Variants in FAM13A observed in about 807,000 individuals in gnomAD.
FAM13A encodes protein FAM13A.
In FAM13A, 76 loss-of-function variants were observed where a neutral mutation model predicts 129.6. That is an observed-to-expected ratio of 0.59 (90% CI 0.49 to 0.71). The LOEUF (loss-of-function observed/expected upper bound fraction) is 0.71, where lower values mean the gene tolerates loss of function less well. FAM13A is among the 30% of genes least tolerant of loss of function. FAM13A has a pLI of 0.00. For synonymous variants in FAM13A, 443 were observed against 449.9 expected, an observed-to-expected ratio of 0.98 and a Z score of 0.20; for missense variants, 1,108 against 1,249.3, an observed-to-expected ratio of 0.89 and a Z score of 1.70.
intron 5 of FAM13A, among the ~76,000 whole-genome samples, chr4:88,924,334 T>C (rs1480002073): frequency 6.6e-6 from 1 of 152,164 alleles, no homozygotes; most frequent in Non-Finnish European, 1.5e-5. Flanking sequence ...CAAAACAGCA[T>C]GGTACTGGTA....
intron 2 of FAM13A, among the ~76,000 whole-genome samples, chr4:89,029,051 G>A (rs887192311): frequency 2.6e-5 from 4 of 152,174 alleles, no homozygotes; most frequent in Non-Finnish European, 5.9e-5. Context: ...TATGAGGATA[G>A]TCAAGGCATT....
chr4:88,847,202 T>C (rs989237253), intron 7 of FAM13A, among the ~76,000 whole-genome samples: 2 of 152,094 alleles, frequency 1.3e-5, no homozygotes, highest in African/African-American at 4.8e-5. Flanking sequence ...ACCTTTAAGG[T>C]TGTCTGGCTC....
At chr4:88,852,304 G>C (rs1385119640) in intron 6 of FAM13A, among the ~76,000 whole-genome samples, 1 of 152,016 alleles carries the variant, frequency 6.6e-6, no homozygotes, top group African/African-American at 2.4e-5. Context: ...TGGGATTACA[G>C]GCATGCACCA....
chr4:88,940,149 A>C (rs147772821), intron 4 of FAM13A, among the ~76,000 whole-genome samples: 18 of 152,310 alleles, frequency 1.2e-4, no homozygotes, highest in African/African-American at 4.1e-4. Flanking sequence ...TGTAACAAAT[A>C]TCTAAAATGT....
chr4:88,755,081 A>G (rs1459708947), intron 14 of FAM13A, among the ~76,000 whole-genome samples: 2 of 152,156 alleles, frequency 1.3e-5, no homozygotes, highest in African/African-American at 4.8e-5. Context: ...CAAATGCACC[A>G]TTTCCCCAAC....
chr4:88,907,008 G>T (rs1748282789), intron 5 of FAM13A, among the ~76,000 whole-genome samples: 1 of 152,174 alleles, frequency 6.6e-6, no homozygotes, highest in Admixed American at 6.5e-5. Context: ...CCAAGTCCTT[G>T]GTTCACACCA....
At chr4:88,835,630 T>G (rs1052770365) in intron 7 of FAM13A, among the ~76,000 whole-genome samples, 3 of 152,100 alleles carry the variant, frequency 2.0e-5, no homozygotes, top group African/African-American at 7.2e-5. Context: ...GATTGTCCCA[T>G]CTGGGGGAGA....
chr4:88,985,520 T>C (rs1762123667), intron 4 of FAM13A, among the ~76,000 whole-genome samples: 2 of 152,292 alleles, frequency 1.3e-5, no homozygotes, highest in South Asian at 4.1e-4. Context: ...ATCTGACCTA[T>C]CAGACTGGCA....
At chr4:88,931,239 A>G (rs573714398) in intron 5 of FAM13A, among the ~76,000 whole-genome samples, 41 of 151,958 alleles carry the variant, frequency 2.7e-4, no homozygotes, top group African/African-American at 9.9e-4. Context: ...TATCTAGGCT[A>G]CTCTCAAAGT....
In FAM13A at chr4:88,764,952, A is replaced by G. The variant is rs56390455; in HGVS notation, c.1578+2601T>C. Among the ~76,000 whole-genome samples, 1,262 of 152,354 alleles carry G rather than the reference A, an allele frequency of 8.3e-3. 20 individuals carry two copies. The highest frequency in any genetic ancestry group is 0.028 in the African/African-American group (1,180 of 41,584). On this transcript the variant is annotated intron_variant, in intron 13 of 23. Coordinates refer to ENST00000264344, the MANE Select transcript of FAM13A (RefSeq NM_014883.4). ...TCTCAGGAGAATCTCGTTTTGGACA[A>G]TATTAGTTGCATAATTAAAATAAAT...
chr4:88,769,208 C>G (rs911144774), intron 11 of FAM13A, among the ~76,000 whole-genome samples: 1 of 152,168 alleles, frequency 6.6e-6, no homozygotes, highest in Non-Finnish European at 1.5e-5. Context: ...TTACAACAAT[C>G]TCCACAAAAT....
At chr4:89,050,135 T>C (rs1028693916) in intron 1 of FAM13A, among the ~76,000 whole-genome samples, 1 of 152,160 alleles carries the variant, frequency 6.6e-6, no homozygotes, top group Non-Finnish European at 1.5e-5. Context: ...CAGAGTGTAG[T>C]CAGTGACGAA....
intron 14 of FAM13A, among the ~76,000 whole-genome samples, chr4:88,754,814 C>G (rs1238307977): frequency 6.6e-6 from 1 of 152,002 alleles, no homozygotes. Context: ...CTGCTTTGTC[C>G]CTGTTTGCAA....
intron 5 of FAM13A, among the ~76,000 whole-genome samples, chr4:88,919,671 C>A (rs567440565): frequency 5.9e-5 from 9 of 152,256 alleles, no homozygotes; most frequent in African/African-American, 2.2e-4. Flanking sequence ...GGGTTCATCT[C>A]ACTAGGGAGT....
At chr4:88,884,529 C>A (rs1744102621) in intron 6 of FAM13A, among the ~76,000 whole-genome samples, 2 of 152,048 alleles carry the variant, frequency 1.3e-5, no homozygotes, top group African/African-American at 4.8e-5. Context: ...TAGGACAAAC[C>A]CACAGCCAAC....
intron 3 of FAM13A, among the ~76,000 whole-genome samples, chr4:89,018,836 T>A (rs1231938695): frequency 6.6e-6 from 1 of 152,224 alleles, no homozygotes; most frequent in Non-Finnish European, 1.5e-5. Context: ...ACAGTCTGGC[T>A]ATGGGTGCCC....
At chr4:88,784,920 A>C (rs901583819) in intron 10 of FAM13A, among the ~76,000 whole-genome samples, 1 of 152,188 alleles carries the variant, frequency 6.6e-6, no homozygotes, top group Non-Finnish European at 1.5e-5. Flanking sequence ...TTATTATTAC[A>C]TAATGAAGAT....
At chr4:88,989,471 A>G (rs961609578) in intron 4 of FAM13A, among the ~76,000 whole-genome samples, 5 of 152,084 alleles carry the variant, frequency 3.3e-5, no homozygotes, top group Non-Finnish European at 7.4e-5. Flanking sequence ...GCATGATGGC[A>G]TGTGCCTGCA....
chr4:88,942,184 A>G (rs1306667295), intron 4 of FAM13A, among the ~76,000 whole-genome samples: 1 of 152,170 alleles, frequency 6.6e-6, no homozygotes, highest in African/African-American at 2.4e-5. Flanking sequence ...TCCTAGATGA[A>G]AAAAACTGTT....
Sources: allele counts gnomAD v4.1 joint callset (sites outside exome capture counted in the v4.1 genomes callset), GRCh38; gene constraint gnomAD v4.1.1; transcripts MANE v1.5; gene names NCBI Gene and HGNC (gene_info 2026-07-23, HGNC 2026-07-21).